The following MAPK10 variants were observed in gnomAD, a reference collection of about 807,000 sequenced individuals.
MAPK10 encodes the protein JNK3 alpha protein kinase.
Under a neutral mutation model 59.3 loss-of-function variants are expected in MAPK10, and 25 were observed. The observed-to-expected ratio is 0.42, with a 90% CI of 0.31 to 0.59. The LOEUF is 0.59. MAPK10 is among the 20% of genes least tolerant of loss of function. MAPK10 has a pLI of 0.15. For synonymous variants in MAPK10, 190 were observed against 200.5 expected (o/e 0.95, Z 0.44); for missense variants, 351 against 568.9 (o/e 0.62, Z 3.90).
chr4:86,187,021 G>GA lies in MAPK10; in HGVS notation c.66+7314dup, dbSNP rs1158641369. Reference sequence around the variant, plus strand: ...AAGTACTGGTTAGAATTAGGCATCAGAAAAAAAACTGACTACCACCTGTAT... The same window carrying GA: ...AAGTACTGGTTAGAATTAGGCATCAGAAAAAAAAACTGACTACCACCTGTAT... On this transcript the variant is annotated intron_variant, in intron 3 of 13. Coordinates refer to ENST00000641462, the MANE Select transcript of MAPK10 (RefSeq NM_138982.4). 2.0e-5 allele frequency among the ~76,000 whole-genome samples: 3 copies of GA among 151,658 alleles called. No individual in the cohort carries two copies. The East Asian group carries it at 5.8e-4, about 29-fold the overall frequency.
In MAPK10 at chr4:86,398,226, C is replaced by CA. The variant is rs61450319; in HGVS notation, c.-121-43583dup. Among the ~76,000 whole-genome samples, 868 of 142,690 alleles carry CA rather than the reference C, an allele frequency of 6.1e-3. 8 individuals carry two copies. Among genetic ancestry groups the CA allele is most frequent in the African/African-American group, 0.02 (763 of 38,248 alleles). The allele number at this position is 142,690 out of a possible 152,430, so 93.6% of individuals were successfully genotyped here. A position where few individuals can be genotyped will look rare whatever the true frequency, so the allele number is the denominator to read the frequency against. On this transcript the variant is annotated intron_variant, in intron 1 of 13. Coordinates refer to the MAPK10 transcript ENST00000361569. ...CTAAAGATTCTCAAAAACAAACAAA[C>CA]AAAAAAAAAAAGAAAAGAAAAGAAA...
At chr4:86,248,906 A>G (rs2093269442) in intron 2 of MAPK10, among the ~76,000 whole-genome samples, 1 of 152,246 alleles carries the variant, frequency 6.6e-6, no homozygotes, top group African/African-American at 2.4e-5. Context: ...ATGTGCTATC[A>G]ATAAAGGCAC....
chr4:86,355,165 C>G (rs1733750602), intron 1 of MAPK10, among the ~76,000 whole-genome samples: 1 of 152,090 alleles, frequency 6.6e-6, no homozygotes, highest in African/African-American at 2.4e-5. Context: ...ACCATTATAG[C>G]CTGTTACTTC....
intron 2 of MAPK10, among the ~76,000 whole-genome samples, chr4:86,204,869 A>T (rs978879582): frequency 2.6e-5 from 4 of 152,020 alleles, no homozygotes; most frequent in Non-Finnish European, 4.4e-5. Flanking sequence ...AGCTGATCTG[A>T]TATTGTAGCA....
At chr4:86,436,979 A>G (rs1412660071) in intron 1 of MAPK10, among the ~76,000 whole-genome samples, 3 of 152,016 alleles carry the variant, frequency 2.0e-5, no homozygotes, top group Admixed American at 6.6e-5. Context: ...TTGGGAGGCC[A>G]AGGTGGGCAG....
intron 1 of MAPK10, among the ~76,000 whole-genome samples, chr4:86,386,492 T>C (rs1741490916): frequency 6.6e-6 from 1 of 152,200 alleles, no homozygotes; most frequent in East Asian, 1.9e-4. Context: ...AGTTGGTTCA[T>C]TGGTTCGCTT....
chr4:86,534,312 A>T (rs932430682), intron 1 of MAPK10, among the ~76,000 whole-genome samples: 1 of 152,086 alleles, frequency 6.6e-6, no homozygotes, highest in African/African-American at 2.4e-5. Flanking sequence ...GAATAAATTT[A>T]TTTTTTAATA....
chr4:86,411,797 G>T (rs187574994), intron 1 of MAPK10, among the ~76,000 whole-genome samples: 1 of 152,120 alleles, frequency 6.6e-6, no homozygotes, highest in Non-Finnish European at 1.5e-5. Flanking sequence ...GTGCGTCTTC[G>T]CCTGTGAGAT....
intron 2 of MAPK10, among the ~76,000 whole-genome samples, chr4:86,343,685 T>G (rs1402317165): frequency 6.6e-6 from 1 of 152,166 alleles, no homozygotes; most frequent in Non-Finnish European, 1.5e-5. Flanking sequence ...GGTTCAACAT[T>G]GTCACTCTCG....
intron 2 of MAPK10, among the ~76,000 whole-genome samples, chr4:86,270,416 A>G (rs1409680000): frequency 6.6e-6 from 1 of 152,064 alleles, no homozygotes; most frequent in East Asian, 1.9e-4. Flanking sequence ...AAACAAAGAG[A>G]AAAAATGAAT....
chr4:86,067,968 C>G lies in MAPK10; in HGVS notation c.803-13G>C, dbSNP rs956991136. 2.8e-5 allele frequency: 44 copies of G among 1,574,546 alleles called. No homozygotes were observed. Among genetic ancestry groups the G allele is most frequent in the Non-Finnish European group, 3.8e-5 (44 of 1,158,412 alleles). On this transcript the variant is annotated splice_polypyrimidine_tract_variant and intron_variant, in intron 9 of 13. Coordinates refer to ENST00000641462, the MANE Select transcript of MAPK10 (RefSeq NM_138982.4). ...CACTGGTCAATATCTGAGAATTGAA[C>G]AGTTAAGGGAAAAAAGAAGAGCAGA...
intron 2 of MAPK10, among the ~76,000 whole-genome samples, chr4:86,283,930 C>T (rs2094911519): frequency 6.6e-6 from 1 of 152,022 alleles, no homozygotes; most frequent in Non-Finnish European, 1.5e-5. Flanking sequence ...GTTTTCAAGT[C>T]AAATAAACCT....
intron 1 of MAPK10, among the ~76,000 whole-genome samples, chr4:86,465,345 G>C (rs1490078351): frequency 1.3e-5 from 2 of 152,130 alleles, no homozygotes; most frequent in Non-Finnish European, 2.9e-5. Context: ...ATTTTTCTCT[G>C]TATAGAATAT....
chr4:86,254,992 A>G (rs1563649541), intron 2 of MAPK10, among the ~76,000 whole-genome samples: 1 of 152,208 alleles, frequency 6.6e-6, no homozygotes, highest in Non-Finnish European at 1.5e-5. Context: ...TAAAAGTGAC[A>G]TCACCAAGGT....
intron 4 of MAPK10, among the ~76,000 whole-genome samples, chr4:86,116,226 T>G (rs5006575): frequency 0.82 from 124,986 of 152,148 alleles, 51,576 homozygotes; most frequent in East Asian, 0.89. Flanking sequence ...TACCTTTCCA[T>G]GTAGGTCTAG....
intron 2 of MAPK10, among the ~76,000 whole-genome samples, chr4:86,283,147 G>C (rs1289143738): frequency 6.6e-6 from 1 of 152,134 alleles, no homozygotes; most frequent in Non-Finnish European, 1.5e-5. Context: ...CCTTAACCCA[G>C]CTTACCAGTA....
At chr4:86,197,828 G>C (rs1439794643) in intron 2 of MAPK10, among the ~76,000 whole-genome samples, 2 of 152,130 alleles carry the variant, frequency 1.3e-5, no homozygotes, top group African/African-American at 4.8e-5. Context: ...GCGCCGGCAA[G>C]GGAAGTATTC....
At chr4:86,562,126 C>T (rs912907800) in intron 1 of MAPK10, among the ~76,000 whole-genome samples, 7 of 152,168 alleles carry the variant, frequency 4.6e-5, no homozygotes, top group Non-Finnish European at 8.8e-5. Context: ...GAAGCCAAGG[C>T]GGGAGGATCC....
At chr4:86,584,030 A>T (rs947482800) in intron 1 of MAPK10, among the ~76,000 whole-genome samples, 1 of 152,012 alleles carries the variant, frequency 6.6e-6, no homozygotes, top group African/African-American at 2.4e-5. Flanking sequence ...AATGTGTGTG[A>T]GTGTGTGTAT....
Sources: allele counts gnomAD v4.1 joint callset (sites outside exome capture counted in the v4.1 genomes callset), GRCh38; gene constraint gnomAD v4.1.1; transcripts MANE v1.5; gene names NCBI Gene and HGNC (gene_info 2026-07-23, HGNC 2026-07-21).